Variants in AGFG1 observed in about 807,000 individuals in gnomAD.
AGFG1 encodes the protein ArfGAP with FG repeats 1, also known as arf-GAP domain and FG repeat-containing protein 1.
AGFG1 carries 10 observed loss-of-function variants against 60.6 expected under a neutral mutation model. The observed-to-expected ratio is 0.16, with a 90% confidence interval of 0.10 to 0.28. The LOEUF is 0.28. Ranked by LOEUF, AGFG1 falls within the 10% of genes least tolerant of loss-of-function variation. The pLI, the probability that AGFG1 is intolerant of heterozygous loss-of-function variation, is 1.00. For synonymous variants in AGFG1, 247 were observed against 242.9 expected (o/e 1.02, Z -0.16); for missense variants, 537 against 676.5 (o/e 0.79, Z 2.29).
At position 227,533,583 on chromosome 2, in the gene AGFG1, T is replaced by C; in HGVS notation, c.849T>C (p.Ala283=). ...GSAASVNANF[A]HFDNFPKSSS... is the part of the protein sequence containing the mutation. ...CTGCATCAGTAAATGCTAATTTTGC[T>C]CATTTTGATAACTTCCCCAAATCCT... The change falls in exon 7 of 13, where the codon GCT becomes GCC. Residue 283 remains alanine (A), a synonymous_variant. Coordinates refer to ENST00000310078, the MANE Select transcript of AGFG1 (RefSeq NM_004504.5). 4 of 1,613,772 alleles carry C rather than the reference T, an allele frequency of 2.5e-6. No individual in the cohort carries two copies. The highest frequency in any genetic ancestry group is 1.7e-4 in the Middle Eastern group (1 of 6,056).
chr2:227,508,529 CATCT>C (rs1389462465), intron 2 of AGFG1: 3 of 442,464 alleles, frequency 6.8e-6, no homozygotes, highest in African/African-American at 2.1e-5. Context: ...TCTGTGTGTA[CATCT>C]ATATGTGAGG....
chr2:227,519,843 A>G (rs1553545089), intron 2 of AGFG1, 105 bp from the exon 3 acceptor site: 1 of 620,828 alleles, frequency 1.6e-6, no homozygotes, highest in Non-Finnish European at 2.8e-6. Flanking sequence ...ATATTATTAA[A>G]ATTATTATGT....
At chr2:227,541,910 A>G (rs185782594) in intron 10 of AGFG1, among the ~76,000 whole-genome samples, 1 of 152,296 alleles carries the variant, frequency 6.6e-6, no homozygotes. Context: ...GAGGTCCTTC[A>G]CATCCCTTGT....
intron 2 of AGFG1, among the ~76,000 whole-genome samples, chr2:227,501,107 CAG>C (rs138334170): frequency 0.05 from 7,557 of 151,856 alleles, 228 homozygotes; most frequent in African/African-American, 0.083. Flanking sequence ...TTTTTTTTGA[CAG>C]AGTCTTGGTC....
At chr2:227,481,099 CTTTTTTT>C (rs36152184) in intron 1 of AGFG1, among the ~76,000 whole-genome samples, 3 of 75,722 alleles carry the variant, frequency 4.0e-5, no homozygotes, top group African/African-American at 5.4e-5. Flanking sequence ...GTGTTTTAGG[CTTTTTTT>C]TTTTTTTTTT....
At chr2:227,504,669 C>G (rs941239138) in intron 2 of AGFG1, among the ~76,000 whole-genome samples, 2 of 152,334 alleles carry the variant, frequency 1.3e-5, no homozygotes, top group East Asian at 3.9e-4. Context: ...TCTAATTGCC[C>G]TTGTGGGCCT....
intron 2 of AGFG1, among the ~76,000 whole-genome samples, chr2:227,497,226 A>G (rs902777075): frequency 6.0e-5 from 9 of 149,068 alleles, no homozygotes; most frequent in Non-Finnish European, 1.2e-4. Flanking sequence ...TTAAGGCAGT[A>G]TAAAAACAGG....
At chr2:227,530,768 T>A (rs1692134328) in intron 5 of AGFG1, among the ~76,000 whole-genome samples, 1 of 152,218 alleles carries the variant, frequency 6.6e-6, no homozygotes, top group Non-Finnish European at 1.5e-5. Flanking sequence ...TATAACTCAG[T>A]ACTGTAACTC....
intron 1 of AGFG1, among the ~76,000 whole-genome samples, chr2:227,481,480 C>G (rs1406872785): frequency 6.6e-6 from 1 of 152,276 alleles, no homozygotes; most frequent in South Asian, 2.1e-4. Flanking sequence ...TTCAGTAAAT[C>G]TTGATATGTC....
chr2:227,535,131 T>G lies in AGFG1; in HGVS notation c.1205+106T>G. 3 of 1,224,728 alleles carry G rather than the reference T, an allele frequency of 2.4e-6. No homozygotes were observed. The South Asian group carries it at 5.9e-5, about 24-fold the overall frequency. The allele number at this position is 1,224,728 out of a possible 1,614,324, so 75.9% of individuals were successfully genotyped here. A position where few individuals can be genotyped will look rare whatever the true frequency, so the allele number is the denominator to read the frequency against. On this transcript the variant is annotated intron_variant, in intron 8 of 12. Coordinates refer to ENST00000310078, the MANE Select transcript of AGFG1 (RefSeq NM_004504.5). The stretch of plus-strand genomic sequence containing the variant: ...TTTCAAGGTATAATTTTAAAATTCT[T>G]GGATATTTTTGTAAATTTGAGGAAT...
intron 2 of AGFG1, among the ~76,000 whole-genome samples, chr2:227,497,737 T>G (rs900813594): frequency 0.013 from 1,424 of 109,926 alleles, 283 homozygotes; most frequent in African/African-American, 0.035. Context: ...CTTGTTTTGT[T>G]TTTTTTTTTT....
chr2:227,549,446 A>T (rs1361158360), intron 10 of AGFG1, among the ~76,000 whole-genome samples: 1 of 152,198 alleles, frequency 6.6e-6, no homozygotes, highest in Admixed American at 6.5e-5. Context: ...GGTGAGTAAG[A>T]TCTGTACAAG....
At position 227,559,428 on chromosome 2, in the gene AGFG1, T is replaced by G. The variant is rs1410614797; in HGVS notation, c.*4933T>G. On this transcript the variant is annotated 3_prime_UTR_variant, in exon 13 of 13. Coordinates refer to ENST00000310078, the MANE Select transcript of AGFG1 (RefSeq NM_004504.5). ...GACAGTGGTATTTTCCAGTGAAGAC[T>G]ATCGCCAAGAATGCATATCATTCTG... 6.6e-6 allele frequency: 1 copy of G among 152,226 alleles called. No homozygotes were observed. Among genetic ancestry groups the G allele is most frequent in the East Asian group, 1.9e-4 (1 of 5,198 alleles). 9.4% of individuals were successfully genotyped at this position (152,226 alleles called of 1,614,324 possible).
intron 2 of AGFG1, among the ~76,000 whole-genome samples, chr2:227,513,881 A>G (rs1166084398): frequency 6.6e-6 from 1 of 152,218 alleles, no homozygotes; most frequent in Non-Finnish European, 1.5e-5. Context: ...GAGTATTGCC[A>G]GTTTATTGAA....
Position 227,472,460 on chromosome 2 carries a change from C to T in AGFG1, c.39C>T (p.His13=). 1.9e-6 allele frequency: 3 copies of T among 1,564,356 alleles called. No individual in the cohort carries two copies. Among genetic ancestry groups the T allele is most frequent in the Middle Eastern group, 1.7e-4 (1 of 5,930 alleles). Residue 13 remains histidine (H), a synonymous_variant, in exon 1 of 13, where the codon CAC becomes CAT. Coordinates refer to ENST00000310078, the MANE Select transcript of AGFG1 (RefSeq NM_004504.5). ...CGAAGCGGAAGCAGGAGGAGAAGCA[C>T]CTGAAGATGCTGCGGGACATGACCG... ...ASAKRKQEEK[H]LKMLRDMTGL...
intron 3 of AGFG1, among the ~76,000 whole-genome samples, chr2:227,521,007 C>T (rs1691809507): frequency 6.6e-6 from 1 of 152,192 alleles, no homozygotes; most frequent in Admixed American, 6.5e-5. Flanking sequence ...AGCACATTAG[C>T]TCTGACTTGC....
intron 2 of AGFG1, among the ~76,000 whole-genome samples, chr2:227,492,600 C>T (rs1288889057): frequency 6.6e-6 from 1 of 151,882 alleles, no homozygotes; most frequent in East Asian, 1.9e-4. Context: ...AATTGTTTGC[C>T]TACTTGTGAT....
At chr2:227,513,323 A>G (rs1024348873) in intron 2 of AGFG1, among the ~76,000 whole-genome samples, 1 of 152,184 alleles carries the variant, frequency 6.6e-6, no homozygotes, top group Admixed American at 6.5e-5. Flanking sequence ...GGCTCCAAGC[A>G]GCTGGTCTGT....
intron 3 of AGFG1, among the ~76,000 whole-genome samples, chr2:227,521,002 A>G (rs1013085891): frequency 6.6e-6 from 1 of 152,190 alleles, no homozygotes; most frequent in African/African-American, 2.4e-5. Flanking sequence ...TCAGGAGCAC[A>G]TTAGCTCTGA....
Sources: allele counts gnomAD v4.1 joint callset (sites outside exome capture counted in the v4.1 genomes callset), GRCh38; gene constraint gnomAD v4.1.1; transcripts MANE v1.5; gene names NCBI Gene and HGNC (gene_info 2026-07-23, HGNC 2026-07-21).